MARCHF1: variants seen among roughly 807,000 people sequenced by gnomAD.
MARCHF1 encodes the protein E3 ubiquitin-protein ligase MARCHF1.
MARCHF1 carries 40 observed loss-of-function variants against 54.2 expected under a neutral mutation model. That is an observed-to-expected ratio of 0.74 (90% confidence interval 0.57 to 0.96). MARCHF1 has a LOEUF of 0.96. Among genes scored for constraint, MARCHF1 ranks in the 40% least tolerant of loss-of-function variants. The probability of loss-of-function intolerance (pLI) is 0.00; values close to 1 mark genes in which losing one functional copy is unlikely to be tolerated. For synonymous variants in MARCHF1, 236 were observed against 236.3 expected (o/e 1.00, Z 0.01); for missense variants, 586 against 656.5 (o/e 0.89, Z 1.17).
chr4:163,712,027 A>G (rs139369854), intron 4 of MARCHF1, among the ~76,000 whole-genome samples: 3 of 152,298 alleles, frequency 2.0e-5, no homozygotes, highest in African/African-American at 7.2e-5. Context: ...AAACCTATCA[A>G]GTAGGTTTCA....
intron 4 of MARCHF1, among the ~76,000 whole-genome samples, chr4:163,775,093 A>G (rs181008417): frequency 2.5e-4 from 38 of 152,274 alleles, no homozygotes; most frequent in African/African-American, 8.7e-4. Flanking sequence ...ACTTCAGCTC[A>G]ACACTGAACT....
chr4:164,177,263 A>G (rs1288353547), intron 1 of MARCHF1, among the ~76,000 whole-genome samples: 2 of 151,830 alleles, frequency 1.3e-5, no homozygotes, highest in Non-Finnish European at 2.9e-5. Flanking sequence ...TCTCACATAC[A>G]CTATTTTATA....
Position 164,101,074 on chromosome 4 carries a change from C to T in MARCHF1, c.-248+10514G>A, listed in dbSNP as rs984604816. On this transcript the variant is annotated intron_variant, in intron 2 of 9. Coordinates refer to ENST00000514618, the MANE Select transcript of MARCHF1 (RefSeq NM_001394959.1). ...TCCAATAGGCTTAAAAAACTGTGCA[C>T]CACAAGATTATATCCCGCACCTGGC... 3.0e-4 allele frequency among the ~76,000 whole-genome samples: 46 copies of T among 152,346 alleles called. 1 individual carries two copies. The highest frequency in any genetic ancestry group is 2.8e-3 in the Admixed American group (43 of 15,304).
At chr4:163,836,052 C>T (rs2111114300) in intron 4 of MARCHF1, among the ~76,000 whole-genome samples, 1 of 152,144 alleles carries the variant, frequency 6.6e-6, no homozygotes, top group Admixed American at 6.5e-5. Flanking sequence ...TGGTGATGGG[C>T]AACCTGGGAT....
At chr4:163,852,344 T>G (rs1749663718) in intron 4 of MARCHF1, among the ~76,000 whole-genome samples, 1 of 152,168 alleles carries the variant, frequency 6.6e-6, no homozygotes, top group African/African-American at 2.4e-5. Flanking sequence ...TTTTTATGGT[T>G]TTTGATCTGC....
At position 163,913,482 on chromosome 4, in the gene MARCHF1, C is replaced by G. The variant is rs139430606; in HGVS notation, c.-38-59313G>C. Among the ~76,000 whole-genome samples the G allele has an allele frequency of 2.0e-3, 312 of 152,198 alleles. 1 individual carries two copies. Among genetic ancestry groups the G allele is most frequent in the African/African-American group, 7.2e-3 (301 of 41,534 alleles). On this transcript the variant is annotated intron_variant, in intron 3 of 9. Transcript: ENST00000514618. The stretch of plus-strand genomic sequence containing the variant: ...TACGTTTAGAACTCTCTTCCTTTAT[C>G]AAAGACAGTTGCTATTTTCCCTACA...
At position 163,527,511 on chromosome 4, in the gene MARCHF1, T is replaced by C. The variant is rs1451663857; in HGVS notation, c.*1237A>G. 1 of 122,720 alleles carries C rather than the reference T, an allele frequency of 8.1e-6. No individual in the cohort carries two copies. The highest frequency in any genetic ancestry group is 1.9e-5 in the Non-Finnish European group (1 of 52,294). 7.6% of individuals were successfully genotyped at this position (122,720 alleles called of 1,614,324 possible). On this transcript the variant is annotated 3_prime_UTR_variant, in exon 10 of 10. Coordinates refer to ENST00000514618, the MANE Select transcript of MARCHF1 (RefSeq NM_001394959.1). Reference sequence around the variant, plus strand: ...ATTTATTTATTTCACAACTCTGCTATAGGCAGATTGATTGTTTTATCTTTC... The same window carrying C: ...ATTTATTTATTTCACAACTCTGCTACAGGCAGATTGATTGTTTTATCTTTC...
intron 3 of MARCHF1, among the ~76,000 whole-genome samples, chr4:163,898,822 C>T (rs192954820): frequency 1.3e-5 from 2 of 151,990 alleles, no homozygotes; most frequent in Admixed American, 6.6e-5. Context: ...AAAGAAAATG[C>T]GGTATATATA....
rs190183345 is a variant in MARCHF1 at position 163,536,828 on chromosome 4, A to C, written c.1340-7782T>G. Among the ~76,000 whole-genome samples, 50 of 152,034 alleles carry C rather than the reference A, an allele frequency of 3.3e-4. No individual in the cohort carries two copies. The East Asian group carries it at 9.5e-3, about 29-fold the overall frequency. ...GCCTGATCCCTCCACTTTCCTTCAC[A>C]AGGTATCTCTGAATCAGTTTCCCCT... On this transcript the variant is annotated intron_variant, in intron 9 of 9. Transcript: ENST00000514618.
intron 4 of MARCHF1, among the ~76,000 whole-genome samples, chr4:163,776,344 C>T (rs1444991401): frequency 1.3e-5 from 2 of 151,302 alleles, no homozygotes; most frequent in African/African-American, 2.4e-5. Flanking sequence ...CTCTCTCTGT[C>T]TCTGTCTCTT....
chr4:164,067,706 C>T (rs577524241), intron 2 of MARCHF1, among the ~76,000 whole-genome samples: 3 of 151,216 alleles, frequency 2.0e-5, no homozygotes, highest in African/African-American at 7.3e-5. Context: ...AAAACAAATG[C>T]AAAAAAAACC....
chr4:163,633,765 G>A lies in MARCHF1; in HGVS notation c.163-20372C>T, dbSNP rs572191736. ...AGAGAATGCCACAAAGATACTCCTC[G>A]AGAAGAGCAACTCCAAGACACATAA... On this transcript the variant is annotated intron_variant, in intron 5 of 9. Transcript: ENST00000514618. 1.0e-3 allele frequency among the ~76,000 whole-genome samples: 157 copies of A among 152,130 alleles called. 1 individual carries two copies. Among genetic ancestry groups the A allele is most frequent in the South Asian group, 0.01 (49 of 4,806 alleles).
rs1264872267 is a variant in MARCHF1, at chr4:163,612,997, T to C, written c.284A>G (p.Tyr95Cys). The C allele has an allele frequency of 3.3e-6, 5 of 1,523,124 alleles. No homozygotes were observed. In the South Asian group the frequency reaches 6.1e-5, roughly 19 times the overall value. The allele number at this position is 1,523,124 out of a possible 1,614,324, so 94.4% of individuals were successfully genotyped here. ...GCTCAGCACCATGACAGGGGTGCAA[T>C]ACTCAAATGACTCTTCTGACATGTC... ...LHDMSEESFE[Y>C]CTPVMVLSPA... The change falls in exon 7 of 10, where the codon TAT (tyrosine) becomes TGT (cysteine). Residue 95 changes from tyrosine to cysteine, a missense_variant. Physicochemically the swap from Tyr to Cys is radical, Grantham distance 194. This residue lies in a region of MARCHF1 where 387 missense variants were observed against 394.6 expected (regional missense o/e 0.98). Coordinates refer to ENST00000514618, the MANE Select transcript of MARCHF1 (RefSeq NM_001394959.1).
In MARCHF1 at chr4:164,189,585, G is replaced by A. The variant is rs973947020; in HGVS notation, c.-322-77923C>T. On this transcript the variant is annotated intron_variant, in intron 1 of 9. Coordinates refer to ENST00000514618, the MANE Select transcript of MARCHF1 (RefSeq NM_001394959.1). ...ATGGTGCTGCTGTCCAGGCTGGAGT[G>A]CTCTCTGGTGATCAAGATACAGGTG... The A allele has an allele frequency of 1.6e-5, 15 of 942,640 alleles. No individual in the cohort carries two copies. The South Asian group carries it at 1.8e-4, about 12-fold the overall frequency. 58.4% of individuals were successfully genotyped at this position (942,640 alleles called of 1,614,324 possible).
At chr4:164,007,016 A>C (rs1181527635) in intron 2 of MARCHF1, among the ~76,000 whole-genome samples, 14 of 135,814 alleles carry the variant, frequency 1.0e-4, no homozygotes, top group Non-Finnish European at 1.8e-4. Context: ...AAAAAAAAAA[A>C]AAAAAAAAAA....
intron 4 of MARCHF1, among the ~76,000 whole-genome samples, chr4:163,759,537 T>C (rs1433910532): frequency 2.6e-5 from 4 of 152,188 alleles, no homozygotes; most frequent in Non-Finnish European, 4.4e-5. Context: ...CACATCTGTA[T>C]GCTGGTTGAA....
chr4:163,841,448 T>A (rs372853658), intron 4 of MARCHF1, among the ~76,000 whole-genome samples: 2 of 40,924 alleles, frequency 4.9e-5, no homozygotes, highest in East Asian at 8.0e-4. Context: ...ATAGAGTCTA[T>A]TTTTTTTAAA....
At position 164,304,922 on chromosome 4, in the gene MARCHF1, A is replaced by G. The variant is rs115661460; in HGVS notation, c.-323+78948T>C. The stretch of plus-strand genomic sequence containing the variant: ...TAAATAAACCATTCAAGTTTTATTT[A>G]TTTTTTAGAACAATTGCTTTTAGAT... On this transcript the variant is annotated intron_variant, in intron 1 of 9. Transcript: ENST00000514618. Among the ~76,000 whole-genome samples the G allele has an allele frequency of 4.8e-3, 729 of 152,170 alleles. 5 individuals carry two copies. Among genetic ancestry groups the G allele is most frequent in the African/African-American group, 0.017 (690 of 41,556 alleles).
chr4:164,149,985 G>A (rs1311923721), intron 1 of MARCHF1, among the ~76,000 whole-genome samples: 1 of 152,046 alleles, frequency 6.6e-6, no homozygotes, highest in African/African-American at 2.4e-5. Context: ...TTACTCAATA[G>A]GATAAATTAT....
Sources: gnomAD v4.1 joint callset for allele counts (sites outside exome capture counted in the v4.1 genomes callset) on GRCh38, gnomAD v4.1.1 for gene constraint, gnomAD v4.1.1 regional missense constraint, MANE v1.5 for transcripts, NCBI Gene and HGNC (gene_info 2026-07-23, HGNC 2026-07-21) for gene names.